EYS: variants seen among roughly 807,000 people sequenced by gnomAD.
EYS encodes the protein EGF-like photoreceptor maintenance factor.
A neutral mutation model predicts 282.1 loss-of-function variants in EYS; 250 were observed. The observed-to-expected ratio is 0.89, with a 90% confidence interval of 0.80 to 0.98. The LOEUF is 0.98. Among genes scored for constraint, EYS ranks in the 50% least tolerant of loss-of-function variants. The pLI is 0.00. For missense variants in EYS, 4,016 were observed against 3,709.0 expected (o/e 1.08, Z -2.15); for synonymous variants, 1,355 against 1,282.9 (o/e 1.06, Z -1.20).
intron 35 of EYS, among the ~76,000 whole-genome samples, chr6:63,983,917 G>A (rs968528493): frequency 2.0e-5 from 3 of 151,668 alleles, no homozygotes; most frequent in African/African-American, 4.8e-5. Flanking sequence ...CAAATAAAAA[G>A]AGAAAACAGA....
chr6:64,445,292 A>G (rs1775083189), intron 26 of EYS, among the ~76,000 whole-genome samples: 1 of 152,184 alleles, frequency 6.6e-6, no homozygotes. Context: ...TAGCTTTGTG[A>G]AGAAAACATA....
In EYS at chr6:65,167,351, A is replaced by G. The variant is rs1371005309; in HGVS notation, c.2024-109624T>C. ...GATTGTGGATATAGGCTACAACATT[A>G]ATTAACCTTGAAAGTATTATGTTCT... On this transcript the variant is annotated intron_variant, in intron 12 of 42. Coordinates refer to ENST00000503581, the MANE Select transcript of EYS (RefSeq NM_001142800.2). Among the ~76,000 whole-genome samples, 4 of 151,434 alleles carry G rather than the reference A, an allele frequency of 2.6e-5. No individual in the cohort carries two copies. The East Asian group carries it at 7.8e-4, about 30-fold the overall frequency.
At chr6:65,181,671 C>G (rs1321416774) in intron 12 of EYS, among the ~76,000 whole-genome samples, 7 of 152,140 alleles carry the variant, frequency 4.6e-5, no homozygotes, top group Admixed American at 3.9e-4. Context: ...GGATCTAGAA[C>G]TAGAAATACC....
chr6:64,897,375 G>T (rs1473968247), intron 18 of EYS, among the ~76,000 whole-genome samples: 1 of 152,096 alleles, frequency 6.6e-6, no homozygotes, highest in Non-Finnish European at 1.5e-5. Context: ...ACTGTTAGAA[G>T]GATATCTAAC....
Position 64,279,272 on chromosome 6 carries a change from T to C in EYS, c.6191+27698A>G, listed in dbSNP as rs142408081. ...TGCTGTTTTTACTCAGCAAAAAGAA[T>C]ATTTGTAATATATACATTGTGGATT... On this transcript the variant is annotated intron_variant, in intron 30 of 42. Transcript: ENST00000503581. Among the ~76,000 whole-genome samples the C allele has an allele frequency of 2.1e-3, 323 of 152,326 alleles. 3 individuals are homozygous for C. In the East Asian group the frequency reaches 0.041, roughly 19 times the overall value.
At position 65,319,230 on chromosome 6, in the gene EYS, A is replaced by G. The variant is rs184078782; in HGVS notation, c.1766+15750T>C. Among the ~76,000 whole-genome samples, 1,116 of 143,358 alleles carry G rather than the reference A, an allele frequency of 7.8e-3. 11 individuals carry two copies. Among genetic ancestry groups the G allele is most frequent in the African/African-American group, 0.028 (1,065 of 38,668 alleles). The allele number at this position is 143,358 out of a possible 152,430, so 94.0% of individuals were successfully genotyped here. A position where few individuals can be genotyped will look rare whatever the true frequency, so the allele number is the denominator to read the frequency against. On this transcript the variant is annotated intron_variant, in intron 11 of 42. Coordinates refer to ENST00000503581, the MANE Select transcript of EYS (RefSeq NM_001142800.2). The stretch of plus-strand genomic sequence containing the variant: ...AAAAAAAAAAAAAAAAAAAAAAACA[A>G]TTAGCCGGGCATCGTGGCACATGCC...
intron 12 of EYS, among the ~76,000 whole-genome samples, chr6:65,138,438 A>G (rs1227659837): frequency 1.3e-5 from 2 of 152,088 alleles, no homozygotes; most frequent in Non-Finnish European, 2.9e-5. Context: ...AAAATATATT[A>G]AGAGTGTATA....
intron 26 of EYS, among the ~76,000 whole-genome samples, chr6:64,480,098 A>G (rs985463794): frequency 6.6e-6 from 1 of 151,902 alleles, no homozygotes. Context: ...CTAACCCTAT[A>G]TAAAAATGTT....
intron 30 of EYS, among the ~76,000 whole-genome samples, chr6:64,242,087 C>T (rs754130086): frequency 8.6e-5 from 13 of 152,032 alleles, no homozygotes; most frequent in Non-Finnish European, 1.6e-4. Context: ...CTTCCAATTA[C>T]GTGGTCAATT....
At chr6:63,967,130 G>T (rs1005488887) in intron 35 of EYS, among the ~76,000 whole-genome samples, 8 of 152,190 alleles carry the variant, frequency 5.3e-5, no homozygotes, top group Non-Finnish European at 8.8e-5. Context: ...TAATGTGACA[G>T]TTGGTCTGAT....
chr6:64,143,096 A>G (rs1404636794), intron 31 of EYS, among the ~76,000 whole-genome samples: 1 of 152,226 alleles, frequency 6.6e-6, no homozygotes, highest in Non-Finnish European at 1.5e-5. Context: ...TATAGATTCC[A>G]ACTATGTGAT....
chr6:65,278,363 A>ATATATATATAGATTC (rs1768120830), intron 12 of EYS, among the ~76,000 whole-genome samples: 1 of 42,350 alleles, frequency 2.4e-5, no homozygotes, highest in African/African-American at 4.6e-5. Context: ...TATATAGAAT[A>ATATATATATAGATTC]TATATTATAT....
intron 39 of EYS, chr6:63,779,428 T>TGG (rs1770151219): frequency 6.7e-6 from 1 of 148,894 alleles, no homozygotes; most frequent in Non-Finnish European, 1.5e-5. Flanking sequence ...CACTCCAGCC[T>TGG]GGGCAACAGA....
intron 11 of EYS, among the ~76,000 whole-genome samples, chr6:65,314,196 T>G (rs1769236268): frequency 6.6e-6 from 1 of 151,832 alleles, no homozygotes; most frequent in African/African-American, 2.4e-5. Flanking sequence ...TCTCAAATGT[T>G]ACCTTCTCAA....
intron 30 of EYS, among the ~76,000 whole-genome samples, chr6:64,262,791 T>G (rs756995507): frequency 6.6e-6 from 1 of 151,864 alleles, no homozygotes; most frequent in Non-Finnish European, 1.5e-5. Context: ...ATAGGAACAA[T>G]TTTTCCAAGA....
At chr6:64,335,540 A>T (rs564622492) in intron 29 of EYS, among the ~76,000 whole-genome samples, 27 of 152,230 alleles carry the variant, frequency 1.8e-4, no homozygotes, top group African/African-American at 6.5e-4. Context: ...TAAGATGTTT[A>T]AAAGTAGGAA....
intron 29 of EYS, among the ~76,000 whole-genome samples, chr6:64,348,449 G>A (rs1268675035): frequency 1.7e-3 from 1 of 586 alleles, no homozygotes; most frequent in African/African-American, 0.023. Context: ...CACTCCCATG[G>A]AAGTAACTTT....
At chr6:64,491,682 G>T (rs558556429) in intron 26 of EYS, among the ~76,000 whole-genome samples, 1 of 151,052 alleles carries the variant, frequency 6.6e-6, no homozygotes, top group Admixed American at 6.6e-5. Context: ...GAGGCACAGA[G>T]AGTGCTAAAA....
At chr6:65,676,396 C>T (rs1768597869) in intron 1 of EYS, among the ~76,000 whole-genome samples, 1 of 151,696 alleles carries the variant, frequency 6.6e-6, no homozygotes, top group Admixed American at 6.6e-5. Context: ...ACTGATGCCA[C>T]AGAAATTAAG....
Sources: gnomAD v4.1 joint callset for allele counts (sites outside exome capture counted in the v4.1 genomes callset) on GRCh38, gnomAD v4.1.1 for gene constraint, MANE v1.5 for transcripts, NCBI Gene and HGNC (gene_info 2026-07-23, HGNC 2026-07-21) for gene names.